Variants in SLIT2 observed in about 807,000 individuals in gnomAD.
SLIT2 encodes the protein slit guidance ligand 2.
Under a neutral mutation model 185.7 loss-of-function variants are expected in SLIT2, and 41 were observed. The ratio of observed to expected loss-of-function variants is 0.22; its 90% CI spans 0.17 to 0.29. The LOEUF is 0.29. Ranked by LOEUF, SLIT2 falls within the 10% of genes least tolerant of loss-of-function variation. SLIT2 has a pLI of 1.00. For missense variants in SLIT2, 1,571 were observed against 1,909.0 expected, an observed-to-expected ratio of 0.82 and a Z score of 3.30; for synonymous variants, 693 against 680.2, an observed-to-expected ratio of 1.02 and a Z score of -0.29.
chr4:20,379,150 CTG>C (rs1373509927), intron 4 of SLIT2, among the ~76,000 whole-genome samples: 6 of 152,090 alleles, frequency 3.9e-5, no homozygotes, highest in Admixed American at 3.3e-4. Context: ...CTAATGTAAA[CTG>C]TGGGCTTTGG....
At chr4:20,369,050 T>C (rs1723359828) in intron 4 of SLIT2, among the ~76,000 whole-genome samples, 1 of 152,132 alleles carries the variant, frequency 6.6e-6, no homozygotes, top group Admixed American at 6.5e-5. Flanking sequence ...CAATTGCAGT[T>C]GACTAAATCC....
rs1187592279 is a variant in SLIT2, at chr4:20,553,832, T to C, written c.2589T>C (p.Cys863=). The change falls in exon 26 of 37, where the codon TGT becomes TGC. Residue 863 remains cysteine (C), a synonymous_variant. Transcript: ENST00000504154. ...HLAIGANPLY[C]DCNMQWLSDW... ...CAATTGGAGCCAACCCTCTTTACTG[T>C]GATTGTAACATGCAGTGGTTATCCG... The C allele has an allele frequency of 6.3e-7, 1 of 1,590,678 alleles. No homozygotes were observed.
intron 4 of SLIT2, among the ~76,000 whole-genome samples, chr4:20,452,693 T>C (rs1712605291): frequency 6.6e-6 from 1 of 152,188 alleles, no homozygotes; most frequent in Admixed American, 6.5e-5. Context: ...AACACAGCTT[T>C]CAGCCATTTC....
At chr4:20,374,663 T>G (rs1472337497) in intron 4 of SLIT2, among the ~76,000 whole-genome samples, 6 of 151,998 alleles carry the variant, frequency 3.9e-5, no homozygotes, top group Admixed American at 3.9e-4. Flanking sequence ...CTTCCCTTTC[T>G]CCTTCTTTCC....
chr4:20,390,358 T>TG (rs1725314472), intron 4 of SLIT2, among the ~76,000 whole-genome samples: 1 of 152,150 alleles, frequency 6.6e-6, no homozygotes, highest in Non-Finnish European at 1.5e-5. Context: ...ATTACAAACA[T>TG]GCGTGAGGCA....
intron 3 of SLIT2, among the ~76,000 whole-genome samples, chr4:20,263,056 C>T (rs1045638912): frequency 6.6e-6 from 1 of 151,752 alleles, no homozygotes; most frequent in African/African-American, 2.4e-5. Flanking sequence ...TTAGTTTGCA[C>T]TGTTACAATG....
chr4:20,469,399 AGGATACGCAT>A (rs1714712003), intron 5 of SLIT2, among the ~76,000 whole-genome samples: 1 of 152,186 alleles, frequency 6.6e-6, no homozygotes, highest in Admixed American at 6.5e-5. Flanking sequence ...CCCACATTTA[AGGATACGCAT>A]GGAAATAGGG....
At chr4:20,353,181 A>G (rs1005216703) in intron 4 of SLIT2, among the ~76,000 whole-genome samples, 3 of 152,214 alleles carry the variant, frequency 2.0e-5, no homozygotes, top group Admixed American at 6.5e-5. Context: ...TTCATAGCAG[A>G]TGTGGAATGA....
At chr4:20,516,399 A>G (rs1396919912) in intron 11 of SLIT2, among the ~76,000 whole-genome samples, 2 of 152,258 alleles carry the variant, frequency 1.3e-5, no homozygotes, top group Non-Finnish European at 2.9e-5. Flanking sequence ...TAAGTCATGT[A>G]TAAGAAACTG....
chr4:20,533,789 A>G (rs1722014064), intron 18 of SLIT2, 74 bp downstream of exon 18: 2 of 1,399,180 alleles, frequency 1.4e-6, no homozygotes, highest in Admixed American at 2.0e-5. Context: ...ATCCTGGGAG[A>G]GAGAAACACC....
intron 12 of SLIT2, among the ~76,000 whole-genome samples, chr4:20,522,235 G>A (rs557638251): frequency 4.6e-5 from 7 of 152,084 alleles, no homozygotes; most frequent in African/African-American, 1.4e-4. Flanking sequence ...TGAGTCCATT[G>A]CAACTCATCT....
At chr4:20,486,964 A>G (rs1717302578) in intron 7 of SLIT2, among the ~76,000 whole-genome samples, 1 of 152,210 alleles carries the variant, frequency 6.6e-6, no homozygotes, top group South Asian at 2.1e-4. Flanking sequence ...CGTGTAGGAC[A>G]TGATTGGAAG....
chr4:20,463,946 A>G lies in SLIT2; in HGVS notation c.396-3806A>G, dbSNP rs116550310. The stretch of plus-strand genomic sequence containing the variant: ...TCCAAATTGCTCTTTTGATTTCCCA[A>G]CTTCATTAATGGTCCTCTCATCTAA... On this transcript the variant is annotated intron_variant, in intron 4 of 36. Coordinates refer to ENST00000504154, the MANE Select transcript of SLIT2 (RefSeq NM_004787.4). Among the ~76,000 whole-genome samples, 504 of 151,890 alleles carry G rather than the reference A, an allele frequency of 3.3e-3. 5 individuals are homozygous for G. Among genetic ancestry groups the G allele is most frequent in the African/African-American group, 0.012 (480 of 41,412 alleles).
At chr4:20,525,661 C>T (rs1157732910) in intron 15 of SLIT2, among the ~76,000 whole-genome samples, 3 of 152,058 alleles carry the variant, frequency 2.0e-5, no homozygotes, top group African/African-American at 7.2e-5. Context: ...AAAAACTGTA[C>T]TTATTGCTTT....
chr4:20,321,912 A>G (rs529899589), intron 4 of SLIT2, among the ~76,000 whole-genome samples: 33 of 152,262 alleles, frequency 2.2e-4, no homozygotes, highest in Admixed American at 1.0e-3. Context: ...GGTAGTGTGA[A>G]CATCATCTGG....
intron 4 of SLIT2, among the ~76,000 whole-genome samples, chr4:20,284,697 T>G (rs1379368689): frequency 6.6e-6 from 1 of 152,196 alleles, no homozygotes; most frequent in Non-Finnish European, 1.5e-5. Context: ...TGTAATATAT[T>G]AATTCTGTTT....
At chr4:20,589,203 G>T (rs1727306363) in intron 29 of SLIT2, among the ~76,000 whole-genome samples, 1 of 152,098 alleles carries the variant, frequency 6.6e-6, no homozygotes, top group Non-Finnish European at 1.5e-5. Flanking sequence ...AGGCTTCTGG[G>T]GTGCTGGTAC....
In SLIT2 at chr4:20,315,879, A is replaced by C. The variant is rs144599257; in HGVS notation, c.395+46998A>C. On this transcript the variant is annotated intron_variant, in intron 4 of 36. Transcript: ENST00000504154. ...CTATGATACATTTATTGTGTATTCT[A>C]TGTACTTATTACATATTAATTCATA... Among the ~76,000 whole-genome samples the C allele has an allele frequency of 5.0e-4, 76 of 152,166 alleles. 1 individual carries two copies. The East Asian group carries it at 0.013, about 26-fold the overall frequency.
In SLIT2 at chr4:20,251,965, T is replaced by C. The variant is rs1461362837; in HGVS notation, c.-1851T>C. On this transcript the variant is annotated 5_prime_UTR_variant, in exon 1 of 37. Transcript: ENST00000504154. ...CGGAGCTTGGCGGCGGCGGTGGTGG[T>C]GGCTGCCGCAGACTGTGGTTAAAAA... Among the ~76,000 whole-genome samples, 1 of 151,646 alleles carries C rather than the reference T, an allele frequency of 6.6e-6. No homozygotes were observed.
Sources: gnomAD v4.1 joint callset for allele counts (sites outside exome capture counted in the v4.1 genomes callset) on GRCh38, gnomAD v4.1.1 for gene constraint, MANE v1.5 for transcripts, NCBI Gene and HGNC (gene_info 2026-07-23, HGNC 2026-07-21) for gene names.